Variants in LRP1B observed in about 807,000 individuals in gnomAD.
LRP1B encodes the protein LDL receptor related protein 1B.
LRP1B carries 217 observed loss-of-function variants against 556.6 expected under a neutral mutation model. The observed-to-expected ratio is 0.39, with a 90% confidence interval of 0.35 to 0.44. LRP1B has a LOEUF of 0.44. Among genes scored for constraint, LRP1B ranks in the 20% least tolerant of loss-of-function variants. LRP1B has a pLI of 1.00. For missense variants in LRP1B, 5,053 were observed against 5,620.8 expected, an observed-to-expected ratio of 0.90 and a Z score of 3.23; for synonymous variants, 2,047 against 1,865.8, an observed-to-expected ratio of 1.10 and a Z score of -2.50.
At chr2:141,228,046 C>A (rs568106982) in intron 6 of LRP1B, among the ~76,000 whole-genome samples, 95 of 152,064 alleles carry the variant, frequency 6.2e-4, no homozygotes, top group Non-Finnish European at 1.2e-3. Context: ...TCTGGCTCAA[C>A]CTCCCAAGTA....
intron 43 of LRP1B, among the ~76,000 whole-genome samples, chr2:140,558,672 T>G (rs1370889267): frequency 6.6e-6 from 1 of 151,976 alleles, no homozygotes; most frequent in Non-Finnish European, 1.5e-5. Flanking sequence ...GGTGCAGTGC[T>G]TCACACTTGA....
chr2:140,683,801 C>A (rs1474034316), intron 41 of LRP1B: 7 of 846,802 alleles, frequency 8.3e-6, no homozygotes, highest in Non-Finnish European at 1.4e-5. Flanking sequence ...AAGCCAGCCT[C>A]CGGGCTAGGG....
At chr2:140,992,001 G>T (rs1020395907) in intron 16 of LRP1B, among the ~76,000 whole-genome samples, 2 of 152,012 alleles carry the variant, frequency 1.3e-5, no homozygotes, top group African/African-American at 4.8e-5. Flanking sequence ...TAAAAGAATG[G>T]ATTTTATTCT....
chr2:142,049,338 T>C (rs374769633), intron 1 of LRP1B, among the ~76,000 whole-genome samples: 1 of 152,118 alleles, frequency 6.6e-6, no homozygotes, highest in East Asian at 1.9e-4. Flanking sequence ...TTTCCACTAC[T>C]CTTATATCTT....
At chr2:141,292,917 T>C (rs1294233340) in intron 3 of LRP1B, among the ~76,000 whole-genome samples, 4 of 152,170 alleles carry the variant, frequency 2.6e-5, no homozygotes, top group Non-Finnish European at 5.9e-5. Flanking sequence ...AATAATAATA[T>C]ACCCTATTAG....
chr2:141,258,453 G>A (rs1411748479), intron 3 of LRP1B, among the ~76,000 whole-genome samples: 1 of 152,112 alleles, frequency 6.6e-6, no homozygotes, highest in African/African-American at 2.4e-5. Context: ...CCTGGCAACA[G>A]TTGAGACTCC....
chr2:140,762,533 T>A (rs1321959758), intron 35 of LRP1B, among the ~76,000 whole-genome samples: 1 of 152,138 alleles, frequency 6.6e-6, no homozygotes. Flanking sequence ...CTCTTATGGG[T>A]GTTTAATTCC....
intron 1 of LRP1B, among the ~76,000 whole-genome samples, chr2:141,899,249 A>T (rs1699546375): frequency 6.6e-6 from 1 of 152,118 alleles, no homozygotes; most frequent in Non-Finnish European, 1.5e-5. Context: ...CTGCTAGTTA[A>T]ATCACAGCTC....
At chr2:141,075,508 C>T (rs962915570) in intron 7 of LRP1B, among the ~76,000 whole-genome samples, 2 of 152,090 alleles carry the variant, frequency 1.3e-5, no homozygotes, top group Admixed American at 1.3e-4. Context: ...AGCATTCCTT[C>T]AGGAATCAGT....
chr2:141,643,732 T>C (rs897605039), intron 2 of LRP1B, among the ~76,000 whole-genome samples: 1 of 152,022 alleles, frequency 6.6e-6, no homozygotes, highest in African/African-American at 2.4e-5. Flanking sequence ...GTATCTCTGG[T>C]GGTTTCTTTG....
chr2:141,015,901 G>C lies in LRP1B; in HGVS notation c.1985C>G (p.Thr662Arg), dbSNP rs1031480614. The C allele has an allele frequency of 6.2e-7, 1 of 1,612,832 alleles. No individual in the cohort carries two copies. Among genetic ancestry groups the C allele is most frequent in the Middle Eastern group, 1.7e-4 (1 of 6,052 alleles). Residue 662 changes from threonine (T) to arginine (R), a missense_variant, in exon 13 of 91, where the codon ACA becomes AGA. Physicochemically the swap from Thr to Arg is moderately conservative, Grantham distance 71. Around this residue, in one of 5 missense-constraint regions of LRP1B, gnomAD observed 3,619 missense variants for 3,931.9 expected, o/e 0.92. Coordinates refer to ENST00000389484, the MANE Select transcript of LRP1B (RefSeq NM_018557.3). Reference sequence around the variant, plus strand: ...ATCTATTTCATCTTCCTCCCAGTCTGTCCAATACATCCAACTAAGACATTA... The same window carrying C: ...ATCTATTTCATCTTCCTCCCAGTCTCTCCAATACATCCAACTAAGACATTA... ...VDPVNGWMYW[T>R]DWEEDEIDDS...
intron 66 of LRP1B, among the ~76,000 whole-genome samples, chr2:140,425,339 G>T (rs1685609222): frequency 6.6e-6 from 1 of 152,036 alleles, no homozygotes; most frequent in Non-Finnish European, 1.5e-5. Flanking sequence ...AAGCTGTATT[G>T]AGTAATGGTT....
chr2:141,049,647 C>A (rs892639222), intron 10 of LRP1B, among the ~76,000 whole-genome samples: 2 of 152,064 alleles, frequency 1.3e-5, no homozygotes, highest in African/African-American at 2.4e-5. Context: ...ATTTAAGACA[C>A]ACCAACCCCA....
chr2:141,350,101 T>C (rs1201077008), intron 3 of LRP1B, among the ~76,000 whole-genome samples: 2 of 152,028 alleles, frequency 1.3e-5, no homozygotes, highest in Non-Finnish European at 2.9e-5. Flanking sequence ...CCCCTCACTG[T>C]CACAAGAGCA....
intron 3 of LRP1B, among the ~76,000 whole-genome samples, chr2:141,265,368 G>A (rs1327172255): frequency 1.3e-5 from 2 of 152,112 alleles, no homozygotes; most frequent in African/African-American, 4.8e-5. Flanking sequence ...CTCCTGGACT[G>A]CAGCGCGACC....
chr2:141,690,400 T>TAA (rs367731341), intron 2 of LRP1B, among the ~76,000 whole-genome samples: 616 of 10,970 alleles, frequency 0.056, 5 homozygotes, highest in African/African-American at 0.08. Context: ...TCTATAAATA[T>TAA]ATATATATAT....
chr2:141,148,448 G>A (rs898035921), intron 7 of LRP1B, among the ~76,000 whole-genome samples: 2 of 152,120 alleles, frequency 1.3e-5, no homozygotes, highest in African/African-American at 4.8e-5. Context: ...AGCAGCCCTG[G>A]CCTTAGGAGA....
At chr2:140,240,535 A>AT (rs76382349) in intron 87 of LRP1B, among the ~76,000 whole-genome samples, 20,639 of 150,858 alleles carry the variant, frequency 0.14, 1,800 homozygotes, top group East Asian at 0.31. Context: ...AATATCACTT[A>AT]TTATAAGAAG....
At chr2:141,747,901 A>AT (rs575559172) in intron 2 of LRP1B, among the ~76,000 whole-genome samples, 61 of 152,302 alleles carry the variant, frequency 4.0e-4, no homozygotes, top group African/African-American at 1.4e-3. Flanking sequence ...CCTATTATCC[A>AT]TTTTTATAGA....
Sources: allele counts gnomAD v4.1 joint callset (sites outside exome capture counted in the v4.1 genomes callset), GRCh38; gene constraint gnomAD v4.1.1; regional missense constraint gnomAD v4.1.1; transcripts MANE v1.5; gene names NCBI Gene and HGNC (gene_info 2026-07-23, HGNC 2026-07-21).